ECPAS: variants seen among roughly 807,000 people sequenced by gnomAD.
The protein encoded by ECPAS is proteasome adapter and scaffold protein ECM29.
In ECPAS, 70 loss-of-function variants were observed where a neutral mutation model predicts 255.1. The observed-to-expected ratio is 0.27, with a 90% CI of 0.23 to 0.33. ECPAS has a LOEUF of 0.33. Ranked by LOEUF, ECPAS falls within the 10% of genes least tolerant of loss-of-function variation. The pLI is 1.00. For synonymous variants in ECPAS, 784 were observed against 775.0 expected (o/e 1.01, Z -0.19); for missense variants, 1,817 against 2,206.4 (o/e 0.82, Z 3.54).
chr9:111,437,437 C>G (rs1031168876), intron 6 of ECPAS, among the ~76,000 whole-genome samples: 13 of 152,122 alleles, frequency 8.5e-5, no homozygotes, highest in Admixed American at 2.0e-4. Context: ...TTTTGAGCTG[C>G]CAAATATGAG....
intron 31 of ECPAS, among the ~76,000 whole-genome samples, chr9:111,386,664 A>G (rs1205476435): frequency 6.6e-6 from 1 of 152,178 alleles, no homozygotes; most frequent in African/African-American, 2.4e-5. Context: ...TCTAAAATGT[A>G]CATTTGATGC....
intron 2 of ECPAS, among the ~76,000 whole-genome samples, chr9:111,456,144 A>G (rs1291127000): frequency 1.3e-5 from 2 of 152,198 alleles, no homozygotes; most frequent in Non-Finnish European, 2.9e-5. Context: ...TAACTATGTA[A>G]TAATACATAC....
intron 16 of ECPAS, among the ~76,000 whole-genome samples, chr9:111,419,692 T>C (rs1052450726): frequency 2.6e-5 from 4 of 151,364 alleles, no homozygotes; most frequent in African/African-American, 9.7e-5. Flanking sequence ...TTTAGATATA[T>C]AATTATATTA....
Position 111,444,379 on chromosome 9 carries a change from G to C in ECPAS, c.269C>G (p.Thr90Arg). 3.1e-6 allele frequency: 5 copies of C among 1,601,058 alleles called. No individual in the cohort carries two copies. The highest frequency in any genetic ancestry group is 4.3e-6 in the Non-Finnish European group (5 of 1,170,366). Residue 90 changes from threonine to arginine, a missense_variant and splice_region_variant, in exon 4 of 50, where the codon ACA becomes AGA. Thr to Arg is a moderately conservative substitution (Grantham distance 71). Around this residue, in one of 4 missense-constraint regions of ECPAS, gnomAD observed 90 missense variants for 158.5 expected, o/e 0.57. Coordinates refer to ENST00000684092, the MANE Select transcript of ECPAS (RefSeq NM_001364929.1). ...AAAATATTCCAATACAACACTCACT[G>C]TGACAAAGGAAACTGCAGCAGGGTC... is the stretch of plus-strand genomic sequence containing the variant. ...YQDPAAVSFV[T>R]NFTIIYVKMG...
intron 38 of ECPAS, 118 bp from the exon 39 acceptor site, chr9:111,374,156 T>TC: frequency 1.5e-6 from 1 of 676,200 alleles, no homozygotes; most frequent in East Asian, 2.6e-5. Flanking sequence ...TAATACCCCC[T>TC]CCAGGACTCA....
At chr9:111,386,195 C>T (rs753802481) in intron 32 of ECPAS, among the ~76,000 whole-genome samples, 182 bp downstream of exon 32, 11 of 152,214 alleles carry the variant, frequency 7.2e-5, no homozygotes, top group African/African-American at 1.7e-4. Context: ...AACTCCTCAC[C>T]TCAGGTGATC....
chr9:111,470,794 A>G (rs1334719093), intron 2 of ECPAS, among the ~76,000 whole-genome samples: 1 of 151,230 alleles, frequency 6.6e-6, no homozygotes, highest in East Asian at 2.0e-4. Flanking sequence ...ACACAGAGGA[A>G]GGGGAGGAAA....
At chr9:111,474,225 T>A (rs1357362590) in intron 1 of ECPAS, among the ~76,000 whole-genome samples, 2 of 152,154 alleles carry the variant, frequency 1.3e-5, no homozygotes, top group Admixed American at 1.3e-4. Context: ...ACAGACTACC[T>A]ATCTGTTGAA....
chr9:111,460,531 G>A, intron 2 of ECPAS, among the ~76,000 whole-genome samples: 1 of 152,088 alleles, frequency 6.6e-6, no homozygotes, highest in East Asian at 1.9e-4. Context: ...TACAAAGGAA[G>A]AAATAATATT....
chr9:111,469,415 T>G (rs564418051), intron 2 of ECPAS, among the ~76,000 whole-genome samples: 177 of 152,166 alleles, frequency 1.2e-3, no homozygotes, highest in African/African-American at 4.0e-3. Context: ...GCGCCTGCAA[T>G]CCCAGCTACT....
At chr9:111,425,658 G>T in intron 11 of ECPAS, 85 bp downstream of exon 11, 2 of 982,292 alleles carry the variant, frequency 2.0e-6, no homozygotes, top group Non-Finnish European at 3.1e-6. Context: ...TTCTTTCTAG[G>T]TAAGATGAGT....
At position 111,370,632 on chromosome 9, in the gene ECPAS, A is replaced by G. The variant is rs750047031; in HGVS notation, c.4782-5T>C. On this transcript the variant is annotated splice_polypyrimidine_tract_variant and splice_region_variant and intron_variant, in intron 44 of 49. Transcript: ENST00000684092. Reference sequence around the variant, plus strand: ...ACAGACTTTTCCAGCTCTGCACTACAGGGTCCATACAAAAGCATCAGAAGT... The same window carrying G: ...ACAGACTTTTCCAGCTCTGCACTACGGGGTCCATACAAAAGCATCAGAAGT... The G allele has an allele frequency of 1.2e-6, 2 of 1,609,734 alleles. No individual in the cohort carries two copies. The highest frequency in any genetic ancestry group is 2.2e-5 in the South Asian group (2 of 90,268).
intron 6 of ECPAS, among the ~76,000 whole-genome samples, chr9:111,438,239 A>C (rs2098240867): frequency 6.6e-6 from 1 of 152,240 alleles, no homozygotes; most frequent in African/African-American, 2.4e-5. Context: ...TGATTTAACA[A>C]ATATAAAAAG....
At chr9:111,441,907 C>T (rs1202289858) in intron 5 of ECPAS, among the ~76,000 whole-genome samples, 1 of 152,208 alleles carries the variant, frequency 6.6e-6, no homozygotes, top group Non-Finnish European at 1.5e-5. Flanking sequence ...CTTTTCACCG[C>T]ACCACTTCCC....
chr9:111,428,753 A>G (rs776979806), intron 9 of ECPAS, among the ~76,000 whole-genome samples: 11 of 148,816 alleles, frequency 7.4e-5, no homozygotes, highest in Non-Finnish European at 1.5e-4. Flanking sequence ...TTAAAAAATG[A>G]AAAAAAAAAG....
At chr9:111,375,677 A>C (rs186704680) in intron 37 of ECPAS, among the ~76,000 whole-genome samples, 1 of 152,274 alleles carries the variant, frequency 6.6e-6, no homozygotes, top group East Asian at 1.9e-4. Context: ...AATATAACTA[A>C]ATGGTATTCA....
intron 1 of ECPAS, among the ~76,000 whole-genome samples, chr9:111,474,895 C>T (rs149471669): frequency 3.2e-4 from 48 of 152,280 alleles, no homozygotes; most frequent in African/African-American, 1.0e-3. Flanking sequence ...TGGGCCAAGT[C>T]TCAAACCACA....
At chr9:111,425,953 TAC>T in intron 10 of ECPAS, 125 bp from the exon 11 acceptor site, 4 of 532,066 alleles carry the variant, frequency 7.5e-6, no homozygotes, top group Non-Finnish European at 1.3e-5. Context: ...TTAATGCAGA[TAC>T]ACATTATTAG....
intron 15 of ECPAS, among the ~76,000 whole-genome samples, chr9:111,421,698 T>C (rs2098214156): frequency 6.6e-6 from 1 of 152,210 alleles, no homozygotes; most frequent in Middle Eastern, 3.4e-3. Flanking sequence ...TTAAGAATAG[T>C]TTTCCCACAT....
Sources: gnomAD v4.1 joint callset for allele counts (sites outside exome capture counted in the v4.1 genomes callset) on GRCh38, gnomAD v4.1.1 for gene constraint, gnomAD v4.1.1 regional missense constraint, MANE v1.5 for transcripts, NCBI Gene and HGNC (gene_info 2026-07-23, HGNC 2026-07-21) for gene names.